Variants in NRAP observed in about 807,000 individuals in gnomAD.
The protein encoded by NRAP is nebulin-related-anchoring protein.
Under a neutral mutation model 225.9 loss-of-function variants are expected in NRAP, and 189 were observed. That is an observed-to-expected ratio of 0.84 (90% confidence interval 0.74 to 0.94). The LOEUF is 0.94. Ranked by LOEUF, NRAP falls within the 40% of genes least tolerant of loss-of-function variation. The pLI is 0.00. For missense variants in NRAP, 2,176 were observed against 2,168.7 expected, an observed-to-expected ratio of 1.00 and a Z score of -0.07; for synonymous variants, 769 against 790.7, an observed-to-expected ratio of 0.97 and a Z score of 0.46.
chr10:113,649,842 G>C (rs993341871), intron 9 of NRAP, among the ~76,000 whole-genome samples, 195 bp downstream of exon 9: 1 of 152,156 alleles, frequency 6.6e-6, no homozygotes, highest in East Asian at 1.9e-4. Context: ...GCCTCAATCT[G>C]TTTTCCTAAG....
chr10:113,645,954 A>AAG lies in NRAP; in HGVS notation c.994-14_994-13insCT, dbSNP rs1849481443. The AAG allele has an allele frequency of 7.2e-7, 1 of 1,394,526 alleles. No individual in the cohort carries two copies. 86.4% of individuals were successfully genotyped at this position (1,394,526 alleles called of 1,614,324 possible). On this transcript the variant is annotated splice_polypyrimidine_tract_variant and intron_variant, in intron 10 of 41. Coordinates refer to ENST00000359988, the MANE Select transcript of NRAP (RefSeq NM_198060.4). ...GCCTGTATTTTATCTGAAAAAAAAA[A>AAG]CACAAAACGGGGCTGGAGTTGATGT...
intron 26 of NRAP, among the ~76,000 whole-genome samples, chr10:113,616,525 T>C (rs1847674814): frequency 6.6e-6 from 1 of 152,244 alleles, no homozygotes; most frequent in African/African-American, 2.4e-5. Context: ...TCTGTGTTTC[T>C]CAGAATTCAG....
chr10:113,650,240 T>G, intron 8 of NRAP, 99 bp from the exon 9 acceptor site: 2 of 864,950 alleles, frequency 2.3e-6, no homozygotes, highest in South Asian at 2.9e-5. Context: ...CTTTTTCTGC[T>G]TGGATCTAGG....
intron 7 of NRAP, 106 bp from the exon 8 acceptor site, chr10:113,650,651 C>A: frequency 1.3e-6 from 1 of 756,630 alleles, no homozygotes; most frequent in Non-Finnish European, 2.3e-6. Context: ...CCTGTCATAG[C>A]TCATAAGGCA....
rs759898460 is a variant in NRAP at position 113,646,962 on chromosome 10, T to C, written c.954A>G (p.Ala318=). 3.7e-6 allele frequency: 6 copies of C among 1,614,118 alleles called. No individual in the cohort carries two copies. Among genetic ancestry groups the C allele is most frequent in the South Asian group, 2.2e-5 (2 of 91,084 alleles). ...KGSFPAMITP[A]YQNAKKAHEL... ...CGTGAGCTTTCTTGGCGTTCTGATA[T>C]GCTGGAGTGATCATAGCTGGGAAGC... Residue 318 remains alanine (A), a synonymous_variant, in exon 10 of 42, where the codon GCA becomes GCG. Transcript: ENST00000359988.
chr10:113,645,757 C>T, intron 11 of NRAP, 68 bp downstream of exon 11: 1 of 828,064 alleles, frequency 1.2e-6, no homozygotes, highest in Non-Finnish European at 2.0e-6. Context: ...TATAGGGTCA[C>T]CTCATTCACT....
chr10:113,601,695 T>C (rs955065857), intron 35 of NRAP, among the ~76,000 whole-genome samples: 10 of 152,234 alleles, frequency 6.6e-5, no homozygotes, highest in African/African-American at 2.4e-4. Flanking sequence ...AGTGTGAAAA[T>C]GTCCTTTCTT....
intron 39 of NRAP, among the ~76,000 whole-genome samples, chr10:113,591,542 C>T (rs1340479435): frequency 6.6e-6 from 1 of 152,208 alleles, no homozygotes; most frequent in Admixed American, 6.5e-5. Flanking sequence ...AAATCCCATG[C>T]TCTTAATTTC....
At chr10:113,624,388 G>A (rs1429669482) in intron 22 of NRAP, among the ~76,000 whole-genome samples, 1 of 152,146 alleles carries the variant, frequency 6.6e-6, no homozygotes, top group Non-Finnish European at 1.5e-5. Context: ...TGACAACCCA[G>A]TAAGGACGGG....
In NRAP at chr10:113,604,613, C is replaced by T. The variant is rs1285724077; in HGVS notation, c.4223G>A (p.Ser1408Asn). The T allele has an allele frequency of 3.7e-6, 6 of 1,612,168 alleles. No individual in the cohort carries two copies. The East Asian group carries it at 6.7e-5, about 18-fold the overall frequency. Residue 1408 changes from serine to asparagine, a missense_variant, in exon 35 of 42, where the codon AGT (serine) becomes AAT (asparagine). This residue lies in a region of NRAP where 445 missense variants were observed against 426.1 expected (regional missense o/e 1.04). Transcript: ENST00000359988. ...ATTCCACAAGGCCACCCCTACCTCA[C>T]TCTGCAGGGCATGGGCTTTCTTGGC... ...AWAKKAHALQ[S>N]ELRYKSDLIG... is the part of the protein sequence containing the mutation.
intron 38 of NRAP, among the ~76,000 whole-genome samples, 163 bp downstream of exon 38, chr10:113,595,460 G>C (rs1243778321): frequency 1.3e-5 from 2 of 152,136 alleles, no homozygotes; most frequent in Non-Finnish European, 2.9e-5. Context: ...GGACCACTGA[G>C]GAAAGTGACT....
chr10:113,606,314 AAGAG>A, intron 32 of NRAP, 32 bp from the exon 33 acceptor site: 1 of 1,328,566 alleles, frequency 7.5e-7, no homozygotes, highest in Non-Finnish European at 1.1e-6. Flanking sequence ...ATAATAATGC[AAGAG>A]ATAAGTGCTG....
At position 113,608,513 on chromosome 10, in the gene NRAP, C is replaced by T; in HGVS notation, c.3604-1G>A. Reference sequence around the variant, plus strand: ...AGTGGGGATGCTGCCGATATTTACTCTGAATTCACACACAAGAAGGGAAGA... The same window carrying T: ...AGTGGGGATGCTGCCGATATTTACTTTGAATTCACACACAAGAAGGGAAGA... On this transcript the variant is annotated splice_acceptor_variant, in intron 31 of 41. Coordinates refer to ENST00000359988, the MANE Select transcript of NRAP (RefSeq NM_198060.4). LOFTEE classifies it high-confidence loss of function. 1 of 1,599,100 alleles carries T rather than the reference C, an allele frequency of 6.3e-7. No homozygotes were observed. Among genetic ancestry groups the T allele is most frequent in the Non-Finnish European group, 8.6e-7 (1 of 1,167,240 alleles).
In NRAP at chr10:113,590,765, T is replaced by C. The variant is rs772552418; in HGVS notation, c.4769A>G (p.Lys1590Arg). ...GGACCGACTCTTGGCAAAGTCCTTC[T>C]TGTACTCATTGTCACTCTGGAGCCT... The part of the protein sequence containing the change: ...VGRLQSDNEY[K>R]KDFAKSRSQF... The change falls in exon 40 of 42, where the codon AAG (lysine) becomes AGG (arginine). Residue 1590 changes from lysine to arginine, a missense_variant. By Grantham distance (26) the Lys-to-Arg change is conservative (BLOSUM62 2). Coordinates refer to ENST00000359988, the MANE Select transcript of NRAP (RefSeq NM_198060.4). The C allele has an allele frequency of 3.6e-5, 58 of 1,614,236 alleles. 2 individuals carry two copies. The South Asian group carries it at 4.5e-4, about 13-fold the overall frequency.
At chr10:113,611,907 G>GTTGGACAAGATAT (rs1847351146) in intron 30 of NRAP, among the ~76,000 whole-genome samples, 1 of 152,204 alleles carries the variant, frequency 6.6e-6, no homozygotes, top group Non-Finnish European at 1.5e-5. Flanking sequence ...ATAGCTGTGT[G>GTTGGACAAGATAT]ATCTTGGACA....
At position 113,631,984 on chromosome 10, in the gene NRAP, G is replaced by A. The variant is rs768430237; in HGVS notation, c.1633-20C>T. On this transcript the variant is annotated intron_variant, in intron 16 of 41. Coordinates refer to ENST00000359988, the MANE Select transcript of NRAP (RefSeq NM_198060.4). ...CTTAACCTGACAAACAAAACCACAA[G>A]TGAATAGGAGTTGCTACCCATATTC... 72 of 1,410,682 alleles carry A rather than the reference G, an allele frequency of 5.1e-5. No individual in the cohort carries two copies. The Middle Eastern group carries it at 5.3e-4, about 10-fold the overall frequency. 87.4% of individuals were successfully genotyped at this position (1,410,682 alleles called of 1,614,324 possible).
At chr10:113,626,348 C>G (rs937589894) in intron 20 of NRAP, among the ~76,000 whole-genome samples, 7 of 152,198 alleles carry the variant, frequency 4.6e-5, no homozygotes, top group Admixed American at 3.9e-4. Context: ...GTTGCTATTA[C>G]TGAATGGGAA....
In NRAP at chr10:113,597,955, C is replaced by G. The variant is rs1490872365; in HGVS notation, c.4332+14G>C. On this transcript the variant is annotated intron_variant, in intron 36 of 41. Transcript: ENST00000359988. ...TTGCCCTTGTCACTTGTGGTGGGGA[C>G]AGGTTGATGGTACCTCGCTGATGAG... The G allele has an allele frequency of 6.4e-7, 1 of 1,557,788 alleles. No individual in the cohort carries two copies. The highest frequency in any genetic ancestry group is 8.9e-7 in the Non-Finnish European group (1 of 1,128,608).
chr10:113,597,906 C>G, intron 36 of NRAP, 63 bp downstream of exon 36: 1 of 1,180,378 alleles, frequency 8.5e-7, no homozygotes. Context: ...TAAACAGATT[C>G]CCTCTTCAAA....
Sources: gnomAD v4.1 joint callset for allele counts (sites outside exome capture counted in the v4.1 genomes callset) on GRCh38, gnomAD v4.1.1 for gene constraint, gnomAD v4.1.1 regional missense constraint, MANE v1.5 for transcripts, NCBI Gene and HGNC (gene_info 2026-07-23, HGNC 2026-07-21) for gene names.